Variants in TRAK1 observed in about 807,000 individuals in gnomAD.
TRAK1 encodes trafficking kinesin protein 1.
Under a neutral mutation model 92.1 loss-of-function variants are expected in TRAK1, and 33 were observed. The observed-to-expected ratio is 0.36, with a 90% CI of 0.27 to 0.48. TRAK1 has a LOEUF of 0.48. Among genes scored for constraint, TRAK1 ranks in the 20% least tolerant of loss-of-function variants. The pLI is 0.99. For synonymous variants in TRAK1, 521 were observed against 517.3 expected (o/e 1.01, Z -0.10); for missense variants, 1,123 against 1,257.9 (o/e 0.89, Z 1.62).
At chr3:42,075,304 G>T (rs1704101894) in intron 1 of TRAK1, among the ~76,000 whole-genome samples, 1 of 127,612 alleles carries the variant, frequency 7.8e-6, no homozygotes, top group African/African-American at 3.2e-5. Context: ...TAGCGCCATT[G>T]CACTTCAGCT....
At chr3:42,127,390 T>C (rs1236045947) in intron 2 of TRAK1, among the ~76,000 whole-genome samples, 2 of 151,424 alleles carry the variant, frequency 1.3e-5, no homozygotes, top group African/African-American at 4.9e-5. Flanking sequence ...TTTTGCTCTG[T>C]TGCCCAGGCT....
At chr3:42,174,154 G>C (rs910169463) in intron 2 of TRAK1, among the ~76,000 whole-genome samples, 2 of 152,118 alleles carry the variant, frequency 1.3e-5, no homozygotes, top group Admixed American at 6.5e-5. Flanking sequence ...AGCCTCCCAA[G>C]TTAGGATTAC....
At position 42,200,979 on chromosome 3, in the gene TRAK1, G is replaced by T. The variant is rs1707447706; in HGVS notation, c.1352G>T (p.Gly451Val). Reference protein sequence around the residue: ...CVSTPRSSFYGSDIGNVVLDN... With the variant: ...CVSTPRSSFYVSDIGNVVLDN... ...AGCACCCCCCGGTCCAGCTTCTACGGCAGCGACATAGGCAACGTCGTCCTC... is the reference window on the plus strand; with the variant it reads ...AGCACCCCCCGGTCCAGCTTCTACGTCAGCGACATAGGCAACGTCGTCCTC... Residue 451 changes from glycine to valine, a missense_variant, in exon 12 of 16, where the codon GGC becomes GTC. Around this residue, in one of 3 missense-constraint regions of TRAK1, gnomAD observed 686 missense variants for 747.6 expected, o/e 0.92. Transcript: ENST00000327628. 1 of 1,614,068 alleles carries T rather than the reference G, an allele frequency of 6.2e-7. No individual in the cohort carries two copies.
intron 1 of TRAK1, among the ~76,000 whole-genome samples, chr3:42,114,516 A>G (rs1179499757): frequency 6.6e-6 from 1 of 152,204 alleles, no homozygotes; most frequent in Non-Finnish European, 1.5e-5. Flanking sequence ...TTTAAGGATC[A>G]TGGACACATT....
At chr3:42,050,096 A>G (rs1032877648) in intron 1 of TRAK1, among the ~76,000 whole-genome samples, 2 of 148,918 alleles carry the variant, frequency 1.3e-5, no homozygotes, top group Admixed American at 6.7e-5. Flanking sequence ...TTTCCCTTGG[A>G]CTGGTTGGTT....
At chr3:42,156,401 G>C (rs1700538060) in intron 2 of TRAK1, among the ~76,000 whole-genome samples, 1 of 152,230 alleles carries the variant, frequency 6.6e-6, no homozygotes, top group Non-Finnish European at 1.5e-5. Context: ...GACATGAAGA[G>C]TCTAGGGTGG....
At chr3:42,099,951 GC>G (rs1706502972) in intron 1 of TRAK1, among the ~76,000 whole-genome samples, 2 of 152,094 alleles carry the variant, frequency 1.3e-5, no homozygotes, top group African/African-American at 2.4e-5. Context: ...TAAAGAATGG[GC>G]CTGTCCAGGT....
At chr3:42,151,434 T>C in intron 2 of TRAK1, 1 of 442,636 alleles carries the variant, frequency 2.3e-6, no homozygotes, top group Non-Finnish European at 4.5e-6. Flanking sequence ...TGTTCAAGGG[T>C]AAATATATTG....
In TRAK1 at chr3:42,193,084, A is replaced by G. The variant is rs1189771118; in HGVS notation, c.779A>G (p.Asn260Ser). The change falls in exon 8 of 16, where the codon AAT becomes AGT. Residue 260 changes from asparagine to serine, a missense_variant. Physicochemically the swap from Asn to Ser is conservative, Grantham distance 46. Transcript: ENST00000327628. ...TGCTTCTTTGTCAAAGGGGATGCCA[A>G]TGTCCAGATTGCTAGTATCTCAGAG... ...NDCVKELRDA[N>S]VQIASISEEL... 1.2e-6 allele frequency: 2 copies of G among 1,614,082 alleles called. No homozygotes were observed. The highest frequency in any genetic ancestry group is 1.7e-6 in the Non-Finnish European group (2 of 1,179,960).
chr3:42,038,713 G>A (rs1008026538), intron 1 of TRAK1, among the ~76,000 whole-genome samples: 1 of 151,488 alleles, frequency 6.6e-6, no homozygotes, highest in African/African-American at 2.4e-5. Context: ...GCTTGAATCC[G>A]GGAGGCAGAG....
intron 1 of TRAK1, among the ~76,000 whole-genome samples, chr3:42,115,664 G>A (rs1709073573): frequency 6.6e-6 from 1 of 152,208 alleles, no homozygotes; most frequent in African/African-American, 2.4e-5. Context: ...TTTCGTTCCT[G>A]TCTCTGAAGC....
chr3:42,210,424 A>AAAT lies in TRAK1; in HGVS notation c.1963+440_1963+441insATA, dbSNP rs918963080. The AAAT allele has an allele frequency of 5.7e-6, 7 of 1,230,726 alleles. No homozygotes were observed. In the African/African-American group the frequency reaches 9.5e-5, roughly 17 times the overall value. 76.2% of individuals were successfully genotyped at this position (1,230,726 alleles called of 1,614,324 possible). ...CTGCTAAAAAAAAAAAAAAAAAAAA[A>AAAT]AGTGGGCTTTTGGGTCCCTGAAAAC... On this transcript the variant is annotated intron_variant, in intron 14 of 15. Transcript: ENST00000327628.
chr3:42,085,746 A>T (rs751620303), upstream of TRAK1, among the ~76,000 whole-genome samples: 1 of 152,238 alleles, frequency 6.6e-6, no homozygotes, highest in Non-Finnish European at 1.5e-5. Context: ...TGGTCTCAGG[A>T]CGCCTCAAAG....
At chr3:42,135,137 G>T (rs1362540422) in intron 2 of TRAK1, among the ~76,000 whole-genome samples, 3 of 152,148 alleles carry the variant, frequency 2.0e-5, no homozygotes, top group Non-Finnish European at 2.9e-5. Flanking sequence ...TTCATGCCAG[G>T]TAGTGTTTGT....
At chr3:42,044,556 C>T (rs1345587790) in intron 1 of TRAK1, among the ~76,000 whole-genome samples, 1 of 152,146 alleles carries the variant, frequency 6.6e-6, no homozygotes, top group Non-Finnish European at 1.5e-5. Flanking sequence ...AAAGTAGAGT[C>T]AACAAATTGG....
intron 14 of TRAK1, among the ~76,000 whole-genome samples, chr3:42,215,883 A>G (rs529265797): frequency 5.8e-4 from 89 of 152,266 alleles, no homozygotes; most frequent in African/African-American, 2.0e-3. Flanking sequence ...CCCCATAGCA[A>G]CATGCCAAGT....
At chr3:42,130,361 A>G (rs1297852538) in intron 2 of TRAK1, among the ~76,000 whole-genome samples, 2 of 147,224 alleles carry the variant, frequency 1.4e-5, no homozygotes, top group Non-Finnish European at 3.0e-5. Flanking sequence ...TGATCTGCAG[A>G]CCACCCTCCC....
Position 42,035,242 on chromosome 3 carries a change from G to A in TRAK1, c.-519+21125G>A, listed in dbSNP as rs558427649. On this transcript the variant is annotated intron_variant, in intron 1 of 16. Coordinates refer to the TRAK1 transcript ENST00000487159. ...GGCTTCTGGGAAGCTACACCCTCTT[G>A]GTTTTCCTCCTACTTCTCCAACCAC... 4.6e-5 allele frequency among the ~76,000 whole-genome samples: 7 copies of A among 152,170 alleles called. No individual in the cohort carries two copies. The East Asian group carries it at 1.2e-3, about 25-fold the overall frequency.
chr3:42,108,433 G>A (rs996193650), intron 1 of TRAK1, among the ~76,000 whole-genome samples: 7 of 149,754 alleles, frequency 4.7e-5, no homozygotes, highest in African/African-American at 1.7e-4. Flanking sequence ...TGAGGCTGCA[G>A]TGAGCTGTGA....
Sources: allele counts gnomAD v4.1 joint callset (sites outside exome capture counted in the v4.1 genomes callset), GRCh38; gene constraint gnomAD v4.1.1; regional missense constraint gnomAD v4.1.1; transcripts MANE v1.5; gene names NCBI Gene and HGNC (gene_info 2026-07-23, HGNC 2026-07-21).